MEOX2: variants seen among roughly 807,000 people sequenced by gnomAD.
MEOX2 encodes the protein mesenchyme homeobox 2.
In MEOX2, 11 loss-of-function variants were observed where a neutral mutation model predicts 27.0. That is an observed-to-expected ratio of 0.41 (90% CI 0.26 to 0.68). The LOEUF is 0.68. Ranked by LOEUF, MEOX2 falls within the 30% of genes least tolerant of loss-of-function variation. MEOX2 has a pLI of 0.33. For missense variants in MEOX2, 436 were observed against 385.4 expected, an observed-to-expected ratio of 1.13 and a Z score of -1.10; for synonymous variants, 189 against 155.4, an observed-to-expected ratio of 1.22 and a Z score of -1.61.
At chr7:15,626,968 A>G (rs982117613) in intron 1 of MEOX2, 50 bp from the exon 2 acceptor site, 13 of 1,529,750 alleles carry the variant, frequency 8.5e-6, no homozygotes, top group Non-Finnish European at 1.2e-5. Flanking sequence ...ATTCAAACAC[A>G]TGCAATCATA....
chr7:15,655,226 T>G (rs920876473), intron 1 of MEOX2, among the ~76,000 whole-genome samples: 57 of 151,762 alleles, frequency 3.8e-4, no homozygotes, highest in African/African-American at 1.4e-3. Context: ...TGTAGCAATA[T>G]CTCTTATATA....
intron 1 of MEOX2, among the ~76,000 whole-genome samples, 178 bp downstream of exon 1, chr7:15,685,708 G>A (rs550865204): frequency 6.6e-6 from 1 of 152,308 alleles, no homozygotes; most frequent in South Asian, 2.1e-4. Flanking sequence ...GAATAAACAC[G>A]TGTCCCCAAA....
intron 1 of MEOX2, 100 bp from the exon 2 acceptor site, chr7:15,627,018 C>T (rs564779153): frequency 2.0e-5 from 24 of 1,172,874 alleles, no homozygotes; most frequent in African/African-American, 1.2e-4. Context: ...CCAGGTACTG[C>T]GCTAGACATG....
chr7:15,663,152 A>T (rs1583779486), intron 1 of MEOX2, among the ~76,000 whole-genome samples: 1 of 152,182 alleles, frequency 6.6e-6, no homozygotes. Context: ...CAGACATGAC[A>T]CTCTTTCACA....
chr7:15,620,906 G>T (rs910794679), intron 2 of MEOX2, among the ~76,000 whole-genome samples: 3 of 152,048 alleles, frequency 2.0e-5, no homozygotes, highest in Admixed American at 6.6e-5. Flanking sequence ...GAAGTGAAAG[G>T]ATCTCCCATT....
chr7:15,675,030 C>CA (rs745567278), intron 1 of MEOX2, among the ~76,000 whole-genome samples: 6 of 151,736 alleles, frequency 4.0e-5, no homozygotes, highest in East Asian at 1.9e-4. Context: ...TATCCAAACA[C>CA]AAAAAAAGGC....
Position 15,611,973 on chromosome 7 carries a change from C to T in MEOX2, c.*414G>A, listed in dbSNP as rs148307818. On this transcript the variant is annotated 3_prime_UTR_variant, in exon 3 of 3. Transcript: ENST00000262041. ...AGTGCAAGCAAAAGCAAATACCTGC[C>T]CACTGTAATACACATGATCTCACAC... 1.2e-4 allele frequency: 20 copies of T among 173,422 alleles called. 1 individual carries two copies. The East Asian group carries it at 3.0e-3, about 26-fold the overall frequency. 10.7% of individuals were successfully genotyped at this position (173,422 alleles called of 1,614,324 possible).
intron 1 of MEOX2, chr7:15,681,734 A>T (rs1206466785): frequency 1.3e-5 from 2 of 151,742 alleles, no homozygotes; most frequent in African/African-American, 2.4e-5. Flanking sequence ...TCAGCTTATA[A>T]GATGTCATTG....
chr7:15,650,085 C>T (rs1292151264), intron 1 of MEOX2, among the ~76,000 whole-genome samples: 1 of 152,032 alleles, frequency 6.6e-6, no homozygotes, highest in Non-Finnish European at 1.5e-5. Flanking sequence ...GAGTTCTCAC[C>T]AGTCCAGCTC....
At chr7:15,668,543 G>T (rs1042717207) in intron 1 of MEOX2, among the ~76,000 whole-genome samples, 1 of 151,962 alleles carries the variant, frequency 6.6e-6, no homozygotes, top group Middle Eastern at 3.2e-3. Context: ...ATGCAGTGGC[G>T]CTATCTCGGC....
intron 1 of MEOX2, among the ~76,000 whole-genome samples, chr7:15,661,469 T>C (rs965253472): frequency 1.3e-5 from 2 of 152,200 alleles, no homozygotes; most frequent in African/African-American, 4.8e-5. Context: ...TTGGAATGCG[T>C]TTTGCTTTTA....
chr7:15,626,442 G>A (rs1781307884), intron 2 of MEOX2, among the ~76,000 whole-genome samples: 1 of 151,920 alleles, frequency 6.6e-6, no homozygotes, highest in East Asian at 1.9e-4. Flanking sequence ...ATATAAGCAT[G>A]CACAACTCCT....
At chr7:15,685,743 G>T in intron 1 of MEOX2, 143 bp downstream of exon 1, 2 of 1,189,000 alleles carry the variant, frequency 1.7e-6, no homozygotes, top group Non-Finnish European at 2.4e-6. Flanking sequence ...CTTCACCGCC[G>T]AATTTGGCCG....
At chr7:15,670,417 T>C (rs1219782069) in intron 1 of MEOX2, among the ~76,000 whole-genome samples, 1 of 152,198 alleles carries the variant, frequency 6.6e-6, no homozygotes, top group Non-Finnish European at 1.5e-5. Context: ...AATCTCTTTG[T>C]CCATTGAGGT....
intron 2 of MEOX2, among the ~76,000 whole-genome samples, chr7:15,617,903 A>G (rs10224510): frequency 0.85 from 128,616 of 152,072 alleles, 55,005 homozygotes; most frequent in African/African-American, 0.96. Context: ...TTAAAACAAA[A>G]TGAATACACA....
chr7:15,638,070 A>C (rs1411956647), intron 1 of MEOX2, among the ~76,000 whole-genome samples: 3 of 152,082 alleles, frequency 2.0e-5, no homozygotes, highest in African/African-American at 4.8e-5. Flanking sequence ...ATTTAGTGAA[A>C]TACACCTTTA....
intron 1 of MEOX2, among the ~76,000 whole-genome samples, chr7:15,666,612 C>A (rs766542830): frequency 1.3e-5 from 2 of 150,878 alleles, no homozygotes; most frequent in Admixed American, 6.6e-5. Context: ...ATTAGCCGGG[C>A]GTTGTGGTAT....
intron 1 of MEOX2, among the ~76,000 whole-genome samples, chr7:15,659,308 C>T (rs948284350): frequency 2.0e-5 from 3 of 151,832 alleles, no homozygotes; most frequent in Non-Finnish European, 4.4e-5. Flanking sequence ...TTTTTTGCAA[C>T]CAATTTTCAT....
At chr7:15,624,686 G>A (rs1781271018) in intron 2 of MEOX2, among the ~76,000 whole-genome samples, 1 of 152,154 alleles carries the variant, frequency 6.6e-6, no homozygotes, top group South Asian at 2.1e-4. Flanking sequence ...TGTAGGGCCA[G>A]CAGTATTACT....
Sources: allele counts gnomAD v4.1 joint callset (sites outside exome capture counted in the v4.1 genomes callset), GRCh38; gene constraint gnomAD v4.1.1; transcripts MANE v1.5; gene names NCBI Gene and HGNC (gene_info 2026-07-23, HGNC 2026-07-21).